SGK3: variants seen among roughly 807,000 people sequenced by gnomAD.
The protein encoded by SGK3 is serum/glucocorticoid regulated kinase family member 3, also known as serine/threonine-protein kinase Sgk3.
Under a neutral mutation model 68.5 loss-of-function variants are expected in SGK3, and 47 were observed. That is an observed-to-expected ratio of 0.69 (90% CI 0.54 to 0.87). The LOEUF is 0.87. Ranked by LOEUF, SGK3 falls within the 40% of genes least tolerant of loss-of-function variation. The pLI is 0.00. For synonymous variants in SGK3, 181 were observed against 189.1 expected (o/e 0.96, Z 0.35); for missense variants, 479 against 575.5 (o/e 0.83, Z 1.72).
intron 1 of SGK3, among the ~76,000 whole-genome samples, chr8:66,732,172 G>A (rs1416054124): frequency 1.3e-5 from 2 of 152,114 alleles, no homozygotes; most frequent in Non-Finnish European, 2.9e-5. Context: ...AAATAGACAT[G>A]TCAAAATTTG....
chr8:66,749,959 GTGTGTGTA>G (rs936712738), intron 1 of SGK3, among the ~76,000 whole-genome samples: 29 of 151,398 alleles, frequency 1.9e-4, no homozygotes, highest in African/African-American at 6.8e-4. Context: ...GTGTGTGTGT[GTGTGTGTA>G]TGTGTGTAAA....
rs144438261 is a variant in SGK3, at chr8:66,834,108, T to G, written c.526-1655T>G. On this transcript the variant is annotated intron_variant, in intron 8 of 16. Transcript: ENST00000521198. The stretch of plus-strand genomic sequence containing the variant: ...TTTACATATCCAACAGAAATGAATA[T>G]CCACTAGGAAAGGTATATACAGGAA... Among the ~76,000 whole-genome samples the G allele has an allele frequency of 5.5e-3, 842 of 152,338 alleles. 12 individuals are homozygous for G. Among genetic ancestry groups the G allele is most frequent in the African/African-American group, 0.018 (757 of 41,572 alleles).
intron 1 of SGK3, among the ~76,000 whole-genome samples, chr8:66,715,383 G>A (rs1436434224): frequency 6.6e-6 from 1 of 151,800 alleles, no homozygotes; most frequent in Non-Finnish European, 1.5e-5. Flanking sequence ...TCAGCCTCCC[G>A]AGTAGCTGGG....
Position 66,835,828 on chromosome 8 carries a change from A to G in SGK3, c.591A>G (p.Ile197Met), listed in dbSNP as rs1208907374. Residue 197 changes from isoleucine (I) to methionine (M), a missense_variant, in exon 9 of 17, where the codon ATA (isoleucine) becomes ATG (methionine). By Grantham distance (10) the Ile-to-Met change is conservative. This residue lies in a region of SGK3 where 298 missense variants were observed against 329.4 expected (regional missense o/e 0.90). Coordinates refer to ENST00000521198, the MANE Select transcript of SGK3 (RefSeq NM_001033578.3). ...FYAVKVLQKK[I>M]VLNRKEQKHI... ...CTGTCAAAGTGTTACAGAAAAAAATAGTTCTCAACAGAAAAGAGGTAAAAT... is the reference window on the plus strand; with the variant it reads ...CTGTCAAAGTGTTACAGAAAAAAATGGTTCTCAACAGAAAAGAGGTAAAAT... 1 of 1,609,198 alleles carries G rather than the reference A, an allele frequency of 6.2e-7. No homozygotes were observed. Among genetic ancestry groups the G allele is most frequent in the African/African-American group, 1.3e-5 (1 of 74,668 alleles).
rs559860903 is a variant in SGK3, at chr8:66,850,812, AT to A, written c.1231-11del. On this transcript the variant is annotated intron_variant, in intron 15 of 16. Transcript: ENST00000521198. ...ATATTCTTCGGCATTAGTAAAACAA[AT>A]TTTTTTTAATATTCCAGCTTGAAAT... 6.3e-5 allele frequency: 100 copies of A among 1,579,744 alleles called. No homozygotes were observed. The African/African-American group carries it at 1.1e-3, about 17-fold the overall frequency.
intron 1 of SGK3, among the ~76,000 whole-genome samples, chr8:66,730,979 AC>A (rs1362277599): frequency 6.6e-6 from 1 of 151,900 alleles, no homozygotes; most frequent in Admixed American, 6.6e-5. Flanking sequence ...GAGCCACCAC[AC>A]CTGGCCAAAA....
chr8:66,858,894 C>A (rs1367561271), intron 16 of SGK3, among the ~76,000 whole-genome samples: 4 of 152,094 alleles, frequency 2.6e-5, no homozygotes, highest in Non-Finnish European at 5.9e-5. Flanking sequence ...AGATTGGACA[C>A]CCCTGTTTTA....
chr8:66,851,072 C>T (rs1810263559), intron 16 of SGK3, 152 bp downstream of exon 16: 2 of 775,460 alleles, frequency 2.6e-6, no homozygotes, highest in South Asian at 2.0e-5. Context: ...TCTAGTATAA[C>T]TAATAACTTC....
At chr8:66,838,224 C>T (rs1323422692) in intron 10 of SGK3, among the ~76,000 whole-genome samples, 1 of 152,082 alleles carries the variant, frequency 6.6e-6, no homozygotes, top group Non-Finnish European at 1.5e-5. Flanking sequence ...TGCCATGACG[C>T]CCAGCTAATT....
Position 66,859,465 on chromosome 8 carries a change from C to G in SGK3, c.1375C>G (p.Pro459Ala), listed in dbSNP as rs1810672609. Residue 459 changes from proline to alanine, a missense_variant, in exon 17 of 17, where the codon CCA becomes GCA. Pro to Ala is a conservative substitution (Grantham distance 27). Coordinates refer to ENST00000521198, the MANE Select transcript of SGK3 (RefSeq NM_001033578.3). ...FDTAFTEETV[P>A]YSVCVSSDYS... Reference sequence around the variant, plus strand: ...CACAGCATTTACAGAAGAAACAGTTCCATATTCTGTGTGTGTATCTTCTGA... The same window carrying G: ...CACAGCATTTACAGAAGAAACAGTTGCATATTCTGTGTGTGTATCTTCTGA... The G allele has an allele frequency of 6.2e-7, 1 of 1,612,458 alleles. No individual in the cohort carries two copies. The highest frequency in any genetic ancestry group is 1.3e-5 in the African/African-American group (1 of 74,878).
chr8:66,843,596 T>TTGTC (rs751700436), intron 14 of SGK3, 49 bp downstream of exon 14: 2 of 1,566,266 alleles, frequency 1.3e-6, no homozygotes, highest in East Asian at 4.5e-5. Context: ...ATTGATTTGA[T>TTGTC]TGTCTGTCTG....
At chr8:66,822,024 T>C in intron 5 of SGK3, among the ~76,000 whole-genome samples, 1 of 151,904 alleles carries the variant, frequency 6.6e-6, no homozygotes, top group East Asian at 1.9e-4. Context: ...TTATCTGTCT[T>C]TCTAACTTTT....
intron 4 of SGK3, among the ~76,000 whole-genome samples, chr8:66,809,891 G>A (rs191338288): frequency 9.9e-4 from 150 of 152,246 alleles, no homozygotes; most frequent in African/African-American, 3.4e-3. Context: ...CTTGTGAGTG[G>A]GCCTCTTCTT....
chr8:66,849,412 C>T (rs1563659765), intron 15 of SGK3, among the ~76,000 whole-genome samples: 2 of 152,078 alleles, frequency 1.3e-5, no homozygotes, highest in African/African-American at 2.4e-5. Context: ...CAACAAACAG[C>T]CAGTTCCTTT....
At chr8:66,756,446 A>G (rs183067223) in intron 1 of SGK3, among the ~76,000 whole-genome samples, 17 of 152,258 alleles carry the variant, frequency 1.1e-4, no homozygotes, top group African/African-American at 3.9e-4. Context: ...CACTCCATCT[A>G]TGAGGAGCAC....
chr8:66,801,933 T>C (rs1289657587), intron 3 of SGK3, among the ~76,000 whole-genome samples: 2 of 152,222 alleles, frequency 1.3e-5, no homozygotes. Flanking sequence ...AGCATAAAAA[T>C]AAAATAGGAA....
At chr8:66,766,713 T>C (rs1806330667) in intron 1 of SGK3, among the ~76,000 whole-genome samples, 1 of 152,186 alleles carries the variant, frequency 6.6e-6, no homozygotes, top group Non-Finnish European at 1.5e-5. Context: ...ATTTTGAAGC[T>C]CTGTTATTAG....
chr8:66,852,757 T>G (rs1178670256), intron 16 of SGK3, among the ~76,000 whole-genome samples: 1 of 152,204 alleles, frequency 6.6e-6, no homozygotes, highest in African/African-American at 2.4e-5. Flanking sequence ...CTTCATGTAG[T>G]GCATCCAGGA....
chr8:66,727,280 A>G (rs910958812), intron 1 of SGK3, among the ~76,000 whole-genome samples: 4 of 152,096 alleles, frequency 2.6e-5, no homozygotes, highest in Admixed American at 6.6e-5. Flanking sequence ...TATTTTTTGT[A>G]GACACAGGGT....
Sources: gnomAD v4.1 joint callset for allele counts (sites outside exome capture counted in the v4.1 genomes callset) on GRCh38, gnomAD v4.1.1 for gene constraint, gnomAD v4.1.1 regional missense constraint, MANE v1.5 for transcripts, NCBI Gene and HGNC (gene_info 2026-07-23, HGNC 2026-07-21) for gene names.